The following SIDT1 variants were observed in gnomAD, a reference collection of about 807,000 sequenced individuals.
SIDT1 encodes SID1 transmembrane family member 1.
In SIDT1, 101 loss-of-function variants were observed where a neutral mutation model predicts 107.5. That is an observed-to-expected ratio of 0.94 (90% CI 0.80 to 1.11). The LOEUF is 1.11. Ranked by LOEUF, SIDT1 falls within the 50% of genes least tolerant of loss-of-function variation. The pLI, the probability that SIDT1 is intolerant of heterozygous loss-of-function variation, is 0.00. For missense variants in SIDT1, 1,076 were observed against 1,058.2 expected (o/e 1.02, Z -0.23); for synonymous variants, 395 against 398.2 (o/e 0.99, Z 0.10).
At chr3:113,613,523 T>C (rs1945898062) in intron 19 of SIDT1, among the ~76,000 whole-genome samples, 1 of 152,238 alleles carries the variant, frequency 6.6e-6, no homozygotes, top group South Asian at 2.1e-4. Flanking sequence ...GTTAATTCTT[T>C]TGCCATGGTC....
Position 113,629,170 on chromosome 3 carries a change from G to A in SIDT1, c.*1462G>A, listed in dbSNP as rs1947034762. The A allele has an allele frequency of 6.6e-6, 1 of 152,056 alleles. No homozygotes were observed. The highest frequency in any genetic ancestry group is 1.5e-5 in the Non-Finnish European group (1 of 68,016). The allele number at this position is 152,056 out of a possible 1,614,324, so 9.4% of individuals were successfully genotyped here. ...ATTCTTTCTCTAAACTATTTGCATTGTGTTCAAAAACCCATTTTAGAAGTT... is the reference window on the plus strand; with the variant it reads ...ATTCTTTCTCTAAACTATTTGCATTATGTTCAAAAACCCATTTTAGAAGTT... On this transcript the variant is annotated 3_prime_UTR_variant, in exon 25 of 25. Transcript: ENST00000264852.
At chr3:113,611,347 TTTTG>T (rs1441964797) in intron 18 of SIDT1, among the ~76,000 whole-genome samples, 1 of 152,214 alleles carries the variant, frequency 6.6e-6, no homozygotes, top group Non-Finnish European at 1.5e-5. Flanking sequence ...TATTTAGTTT[TTTTG>T]TTTGTTTGTG....
intron 9 of SIDT1, among the ~76,000 whole-genome samples, chr3:113,588,206 T>C (rs1294903332): frequency 6.6e-6 from 1 of 152,206 alleles, no homozygotes; most frequent in African/African-American, 2.4e-5. Flanking sequence ...TGGAAACTTC[T>C]AGCCACAGAT....
intron 3 of SIDT1, 87 bp downstream of exon 3, chr3:113,567,797 C>A: frequency 1.5e-6 from 2 of 1,360,426 alleles, no homozygotes; most frequent in South Asian, 1.3e-5. Flanking sequence ...GACTGGTACT[C>A]TGGAAGGAAA....
intron 3 of SIDT1, among the ~76,000 whole-genome samples, chr3:113,571,659 A>G (rs766021577): frequency 6.6e-6 from 1 of 152,210 alleles, no homozygotes; most frequent in Non-Finnish European, 1.5e-5. Flanking sequence ...AAGGGGCATT[A>G]GGAAATTTAA....
downstream of SIDT1, among the ~76,000 whole-genome samples, chr3:113,634,019 G>A (rs886914561): frequency 2.6e-5 from 4 of 152,154 alleles, no homozygotes; most frequent in African/African-American, 7.2e-5. Context: ...CTAGGTAAAA[G>A]GGGAGAAGTC....
intron 1 of SIDT1, among the ~76,000 whole-genome samples, chr3:113,552,975 G>C (rs1477048889): frequency 1.3e-5 from 2 of 152,128 alleles, no homozygotes; most frequent in African/African-American, 4.8e-5. Flanking sequence ...GCTGAAGCTG[G>C]GGCGTTTGTT....
At chr3:113,615,295 C>T (rs190220449) in intron 19 of SIDT1, among the ~76,000 whole-genome samples, 15 of 152,296 alleles carry the variant, frequency 9.8e-5, no homozygotes, top group Admixed American at 2.0e-4. Flanking sequence ...TTTCTCCCTC[C>T]TGGTTAAACT....
At chr3:113,556,821 CT>C (rs61672960) in intron 1 of SIDT1, among the ~76,000 whole-genome samples, 7,585 of 107,586 alleles carry the variant, frequency 0.071, 409 homozygotes, top group Middle Eastern at 0.17. Flanking sequence ...GTTTCTTTTT[CT>C]TTTTTTTTTT....
intron 4 of SIDT1, among the ~76,000 whole-genome samples, chr3:113,578,023 A>G (rs1218190597): frequency 6.6e-6 from 1 of 152,212 alleles, no homozygotes; most frequent in African/African-American, 2.4e-5. Context: ...CTGTCTGTGA[A>G]AGTCTCTGCA....
chr3:113,605,332 A>T (rs942147655), intron 14 of SIDT1, among the ~76,000 whole-genome samples: 8 of 151,532 alleles, frequency 5.3e-5, no homozygotes, highest in African/African-American at 1.7e-4. Context: ...CACCATGTTG[A>T]CCAGGCTGGT....
At chr3:113,629,777 G>C (rs995729273), downstream of SIDT1, among the ~76,000 whole-genome samples, 4 of 152,154 alleles carry the variant, frequency 2.6e-5, no homozygotes, top group African/African-American at 9.7e-5. Flanking sequence ...TGGAGGAAAG[G>C]GTGGACTGTG....
At chr3:113,597,215 G>A (rs1286381229) in intron 10 of SIDT1, among the ~76,000 whole-genome samples, 1 of 152,044 alleles carries the variant, frequency 6.6e-6, no homozygotes, top group African/African-American at 2.4e-5. Flanking sequence ...ATAAAATTTT[G>A]GCTGGGCACG....
intron 21 of SIDT1, among the ~76,000 whole-genome samples, chr3:113,621,020 C>A (rs1041811447): frequency 2.0e-5 from 3 of 152,304 alleles, no homozygotes; most frequent in South Asian, 4.1e-4. Context: ...CCGTGATTAT[C>A]TGATAGTGGG....
intron 3 of SIDT1, among the ~76,000 whole-genome samples, chr3:113,570,917 T>A (rs1267862893): frequency 2.0e-5 from 3 of 152,212 alleles, no homozygotes; most frequent in African/African-American, 7.2e-5. Flanking sequence ...TTTTTACAGA[T>A]GAGCAAACTG....
intron 9 of SIDT1, 140 bp from the exon 10 acceptor site, chr3:113,592,865 T>C (rs2669907): frequency 0.035 from 24,866 of 717,038 alleles, 1,960 homozygotes; most frequent in East Asian, 0.24. Flanking sequence ...GGATTACAGG[T>C]GTGTGCCACC....
chr3:113,542,580 T>G (rs1939039998), intron 1 of SIDT1, among the ~76,000 whole-genome samples: 3 of 152,224 alleles, frequency 2.0e-5, no homozygotes, highest in Non-Finnish European at 4.4e-5. Context: ...CTTTTTTTAC[T>G]TACAGTGACT....
At chr3:113,554,343 T>C (rs1031613293) in intron 1 of SIDT1, among the ~76,000 whole-genome samples, 4 of 152,164 alleles carry the variant, frequency 2.6e-5, no homozygotes, top group African/African-American at 9.7e-5. Context: ...TTTGATATGG[T>C]TGGGCTGTGT....
intron 1 of SIDT1, among the ~76,000 whole-genome samples, chr3:113,558,709 C>G (rs1018045448): frequency 6.6e-6 from 1 of 152,172 alleles, no homozygotes. Flanking sequence ...GCTGCTTACC[C>G]TAATAAGAGT....
Sources: gnomAD v4.1 joint callset for allele counts (sites outside exome capture counted in the v4.1 genomes callset) on GRCh38, gnomAD v4.1.1 for gene constraint, MANE v1.5 for transcripts, NCBI Gene and HGNC (gene_info 2026-07-23, HGNC 2026-07-21) for gene names.